CYB561A3: variants seen among roughly 807,000 people sequenced by gnomAD.
CYB561A3 encodes the protein lysosomal membrane ascorbate-dependent ferrireductase CYB561A3.
Under a neutral mutation model 25.3 loss-of-function variants are expected in CYB561A3, and 16 were observed. The observed-to-expected ratio is 0.63, with a 90% CI of 0.43 to 0.96. The LOEUF (loss-of-function observed/expected upper bound fraction) is 0.96, where lower values mean the gene tolerates loss of function less well. CYB561A3 is among the 40% of genes least tolerant of loss of function. CYB561A3 has a pLI of 0.00. For missense variants in CYB561A3, 219 were observed against 307.5 expected (o/e 0.71, Z 2.15); for synonymous variants, 131 against 129.9 (o/e 1.01, Z -0.06).
rs1857315346 is a variant in CYB561A3, at chr11:61,349,839, T to C, written c.*560A>G. 3.4e-6 allele frequency: 2 copies of C among 584,068 alleles called. No individual in the cohort carries two copies. Among genetic ancestry groups the C allele is most frequent in the African/African-American group, 3.7e-5 (2 of 53,718 alleles). The allele number at this position is 584,068 out of a possible 1,614,324, so 36.2% of individuals were successfully genotyped here. A position where few individuals can be genotyped will look rare whatever the true frequency, so the allele number is the denominator to read the frequency against. ...GGATGGCAGAGCAGATGAAGCCTGC[T>C]CTGTGGCGGGGCAGCCTAACTGAAA... On this transcript the variant is annotated 3_prime_UTR_variant, in exon 7 of 7. Transcript: ENST00000294072.
rs774657974 is a variant in CYB561A3, at chr11:61,353,842, T to C, written c.335A>G (p.Asn112Ser). The C allele has an allele frequency of 1.9e-6, 3 of 1,613,902 alleles. No homozygotes were observed. Among genetic ancestry groups the C allele is most frequent in the Middle Eastern group, 1.7e-4 (1 of 6,060 alleles). The change falls in exon 4 of 7, where the codon AAC (asparagine) becomes AGC (serine). Residue 112 changes from asparagine (N) to serine (S), a missense_variant. Physicochemically the swap from Asn to Ser is conservative, Grantham distance 46. Coordinates refer to ENST00000294072, the MANE Select transcript of CYB561A3 (RefSeq NM_153611.6). Reference sequence around the variant, plus strand: ...CAGCCAGCTGTGAAGGGAGTAGAGGTTGGCAGTCCTTCCATGGTTGTGAAA... The same window carrying C: ...CAGCCAGCTGTGAAGGGAGTAGAGGCTGGCAGTCCTTCCATGGTTGTGAAA... Reference protein sequence around the residue: ...FTFHNHGRTANLYSLHSWLGI... With the variant: ...FTFHNHGRTASLYSLHSWLGI...
In CYB561A3 at chr11:61,349,395, CAG is replaced by C; in HGVS notation, c.*1002_*1003del. The C allele has an allele frequency of 1.6e-6, 1 of 614,446 alleles. No homozygotes were observed. The allele number at this position is 614,446 out of a possible 1,614,324, so 38.1% of individuals were successfully genotyped here. A position where few individuals can be genotyped will look rare whatever the true frequency, so the allele number is the denominator to read the frequency against. ...GCTGCATGGTGAGCTGCAGAGTGGT[CAG>C]AGGGGCTGGGGCCCTGCCAAGAGAG... On this transcript the variant is annotated 3_prime_UTR_variant, in exon 7 of 7. Coordinates refer to ENST00000294072, the MANE Select transcript of CYB561A3 (RefSeq NM_153611.6).
chr11:61,353,215 C>G, intron 4 of CYB561A3, 76 bp from the exon 5 acceptor site: 1 of 1,491,816 alleles, frequency 6.7e-7, no homozygotes, highest in Non-Finnish European at 8.9e-7. Flanking sequence ...AGTGCCTCCT[C>G]CCCATCTCTG....
intron 1 of CYB561A3, chr11:61,359,153 G>A (rs1857749333): frequency 1.3e-5 from 2 of 151,834 alleles, no homozygotes; most frequent in Non-Finnish European, 2.9e-5. Context: ...GAACCCTGGA[G>A]GTGGACGTTG....
Position 61,353,128 on chromosome 11 carries a change from G to A in CYB561A3, c.405C>T (p.Gly135=). The A allele has an allele frequency of 6.2e-7, 1 of 1,608,016 alleles. No homozygotes were observed. Among genetic ancestry groups the A allele is most frequent in the Non-Finnish European group, 8.5e-7 (1 of 1,177,448 alleles). ...CCCAGGGCAGGAGGAAGACAGCAAA[G>A]CCCAGGAACCACTGTGGACAAAAGG... ...VFLFACQWFL[G]FAVFLLPWAS... Residue 135 remains glycine (G), a synonymous_variant, in exon 5 of 7, where the codon GGC becomes GGT. Transcript: ENST00000294072.
chr11:61,352,228 C>A (rs1408382593), intron 5 of CYB561A3: 1 of 152,380 alleles, frequency 6.6e-6, no homozygotes, highest in African/African-American at 2.4e-5. Context: ...TAGAGTCAGA[C>A]TGCCTAATCT....
intron 1 of CYB561A3, chr11:61,360,301 C>T (rs1369465819): frequency 1.3e-5 from 2 of 152,294 alleles, no homozygotes; most frequent in Non-Finnish European, 2.9e-5. Context: ...AATATCCTCT[C>T]ATTTGTTCTA....
intron 6 of CYB561A3, 50 bp from the exon 7 acceptor site, chr11:61,350,472 A>G (rs1484300973): frequency 6.2e-7 from 1 of 1,603,860 alleles, no homozygotes; most frequent in Non-Finnish European, 8.5e-7. Flanking sequence ...TGCAGGAGTC[A>G]CACCAGGCCC....
At position 61,361,748 on chromosome 11, in the gene CYB561A3, G is replaced by A. The variant is rs973839263; in HGVS notation, c.-127C>T. On this transcript the variant is annotated 5_prime_UTR_variant, in exon 1 of 7. Transcript: ENST00000294072. ...TCCTTCTCACCCCTAACCACAGTGGGACGAAGTGAGGCCGGGATCTCCGGA... is the reference window on the plus strand; with the variant it reads ...TCCTTCTCACCCCTAACCACAGTGGAACGAAGTGAGGCCGGGATCTCCGGA... 6.6e-6 allele frequency: 1 copy of A among 152,286 alleles called. No individual in the cohort carries two copies. Among genetic ancestry groups the A allele is most frequent in the African/African-American group, 2.4e-5 (1 of 41,468 alleles). 9.4% of individuals were successfully genotyped at this position (152,286 alleles called of 1,614,324 possible).
rs1857489598 is a variant in CYB561A3, at chr11:61,353,013, C to T, written c.520G>A (p.Gly174Ser). The change falls in exon 5 of 7, where the codon GGC becomes AGC. Residue 174 changes from glycine to serine, a missense_variant. Gly to Ser is a moderately conservative substitution (Grantham distance 56). Transcript: ENST00000294072. ...CTGAAGAAAAGCTTCTCATTAATGC[C>T]CGAAATGACGGATGCGATGGACAGA... ...LSLSIASVIS[G>S]INEKLFFSLK... 1 of 1,614,006 alleles carries T rather than the reference C, an allele frequency of 6.2e-7. No individual in the cohort carries two copies. Among genetic ancestry groups the T allele is most frequent in the African/African-American group, 1.3e-5 (1 of 74,904 alleles).
chr11:61,350,317 C>T lies in CYB561A3; in HGVS notation c.*82G>A, dbSNP rs370802615. On this transcript the variant is annotated 3_prime_UTR_variant, in exon 7 of 7. Transcript: ENST00000294072. ...AAGAAAGTCGCCTGCTGAAACCAGC[C>T]GGGAGCCCTGGGAAGAGCAGAGCTT... 36 of 1,547,594 alleles carry T rather than the reference C, an allele frequency of 2.3e-5. No homozygotes were observed. Among genetic ancestry groups the T allele is most frequent in the Admixed American group, 9.8e-5 (5 of 51,176 alleles).
chr11:61,356,972 A>C, intron 2 of CYB561A3: 20 of 1,456,568 alleles, frequency 1.4e-5, no homozygotes, highest in Non-Finnish European at 1.7e-5. Flanking sequence ...CAGCAAACTC[A>C]AGGCTATGGC....
At chr11:61,355,567 G>C (rs1406356427) in intron 3 of CYB561A3, among the ~76,000 whole-genome samples, 2 of 151,984 alleles carry the variant, frequency 1.3e-5, no homozygotes, top group African/African-American at 4.8e-5. Context: ...TATAATCTCA[G>C]GTACTTGGGA....
intron 3 of CYB561A3, chr11:61,354,760 A>T (rs528449519): frequency 6.6e-6 from 1 of 152,212 alleles, no homozygotes; most frequent in Non-Finnish European, 1.5e-5. Context: ...TTGTTTCATC[A>T]AACTGAATTG....
Position 61,349,734 on chromosome 11 carries a change from A to G in CYB561A3, c.*665T>C. The stretch of plus-strand genomic sequence containing the variant: ...AGCTCAGAGCGGTCAGCTCCTCAGC[A>G]GAAGCTGCGTGGGCCGCCACTCCCC... On this transcript the variant is annotated 3_prime_UTR_variant, in exon 7 of 7. Coordinates refer to ENST00000294072, the MANE Select transcript of CYB561A3 (RefSeq NM_153611.6). The G allele has an allele frequency of 1.5e-6, 1 of 680,300 alleles. No individual in the cohort carries two copies. The highest frequency in any genetic ancestry group is 1.8e-5 in the African/African-American group (1 of 56,962). The allele number at this position is 680,300 out of a possible 1,614,324, so 42.1% of individuals were successfully genotyped here.
In CYB561A3 at chr11:61,349,420, G is replaced by A; in HGVS notation, c.*979C>T. 1.6e-6 allele frequency: 1 copy of A among 638,766 alleles called. No individual in the cohort carries two copies. The highest frequency in any genetic ancestry group is 1.7e-5 in the South Asian group (1 of 58,336). 39.6% of individuals were successfully genotyped at this position (638,766 alleles called of 1,614,324 possible). On this transcript the variant is annotated 3_prime_UTR_variant, in exon 7 of 7. Coordinates refer to ENST00000294072, the MANE Select transcript of CYB561A3 (RefSeq NM_153611.6). ...CAGAGGGGCTGGGGCCCTGCCAAGA[G>A]AGCAAGGCCAGACCTGCCCAGCGGG...
chr11:61,353,338 C>T, intron 4 of CYB561A3, 199 bp from the exon 5 acceptor site: 13 of 694,902 alleles, frequency 1.9e-5, no homozygotes, highest in East Asian at 2.8e-5. Flanking sequence ...AAATGACATG[C>T]TTAGCTACCA....
Position 61,350,818 on chromosome 11 carries a change from C to T in CYB561A3, c.705+173G>A, listed in dbSNP as rs996383475. The stretch of plus-strand genomic sequence containing the variant: ...GGAGTCCCAGCATTTCACTGGGATG[C>T]GCTGGTTTGGGACCAGTGCTCCCCA... On this transcript the variant is annotated intron_variant, in intron 6 of 6. Coordinates refer to ENST00000294072, the MANE Select transcript of CYB561A3 (RefSeq NM_153611.6). 26 of 875,980 alleles carry T rather than the reference C, an allele frequency of 3.0e-5. No homozygotes were observed. The East Asian group carries it at 5.0e-4, about 17-fold the overall frequency. The allele number at this position is 875,980 out of a possible 1,614,324, so 54.3% of individuals were successfully genotyped here. A position where few individuals can be genotyped will look rare whatever the true frequency, so the allele number is the denominator to read the frequency against.
At chr11:61,356,784 G>C in intron 2 of CYB561A3, 56 bp from the exon 3 acceptor site, 6 of 1,582,190 alleles carry the variant, frequency 3.8e-6, no homozygotes, top group Non-Finnish European at 3.4e-6. Context: ...CAGTTCTCTG[G>C]CTAAAGGAGG....
Sources: gnomAD v4.1 joint callset for allele counts (sites outside exome capture counted in the v4.1 genomes callset) on GRCh38, gnomAD v4.1.1 for gene constraint, MANE v1.5 for transcripts, NCBI Gene and HGNC (gene_info 2026-07-23, HGNC 2026-07-21) for gene names.